The following FREM3 variants were observed in gnomAD, a reference collection of about 807,000 sequenced individuals.
The protein encoded by FREM3 is FRAS1-related extracellular matrix protein 3.
Under a neutral mutation model 129.1 loss-of-function variants are expected in FREM3, and 105 were observed. That is an observed-to-expected ratio of 0.81 (90% CI 0.69 to 0.96). The LOEUF is 0.96. Ranked by LOEUF, FREM3 falls within the 40% of genes least tolerant of loss-of-function variation. FREM3 has a pLI of 0.00. For synonymous variants in FREM3, 1,014 were observed against 1,044.9 expected, an observed-to-expected ratio of 0.97 and a Z score of 0.57; for missense variants, 2,593 against 2,666.3, an observed-to-expected ratio of 0.97 and a Z score of 0.61.
At position 143,699,086 on chromosome 4, in the gene FREM3, G is replaced by A. The variant is rs376078791; in HGVS notation, c.1590C>T (p.Phe530=). The change falls in exon 1 of 8, where the codon TTC becomes TTT. Residue 530 remains phenylalanine, a synonymous_variant. Transcript: ENST00000329798. The surrounding 1 kb of genome is among the most constrained non-coding windows in gnomAD (Gnocchi z 4.2). ...RMEDGHHQVD[F]LFPLTILPVD... ...CAGGTAGGATGGTGAGGGGAAAGAG[G>A]AAGTCCACTTGGTGGTGCCCGTCCT... The A allele has an allele frequency of 2.0e-6, 3 of 1,537,320 alleles. No individual in the cohort carries two copies. The highest frequency in any genetic ancestry group is 2.0e-5 in the Admixed American group (1 of 50,980).
chr4:143,686,069 A>T (rs931867542), intron 2 of FREM3, among the ~76,000 whole-genome samples: 1 of 152,174 alleles, frequency 6.6e-6, no homozygotes, highest in Non-Finnish European at 1.5e-5. Flanking sequence ...TATCTGCTGC[A>T]TTCGGGAGAC....
At chr4:143,643,266 G>A (rs7655288) in intron 2 of FREM3, among the ~76,000 whole-genome samples, 40,020 of 151,892 alleles carry the variant, frequency 0.26, 6,045 homozygotes, top group Middle Eastern at 0.37. Flanking sequence ...CCACTGCTGG[G>A]TATATATCAA....
intron 5 of FREM3, among the ~76,000 whole-genome samples, chr4:143,614,821 T>G (rs1007875401): frequency 1.3e-5 from 2 of 152,198 alleles, no homozygotes; most frequent in Non-Finnish European, 2.9e-5. Context: ...CAACTTCAAC[T>G]ATCAATGTGA....
chr4:143,679,726 T>G (rs967405732), intron 2 of FREM3, among the ~76,000 whole-genome samples: 21 of 152,114 alleles, frequency 1.4e-4, no homozygotes, highest in Non-Finnish European at 2.9e-5. Context: ...TCTGCTCCAT[T>G]GCCTCTCATT....
chr4:143,634,449 C>A (rs1002176037), intron 2 of FREM3, among the ~76,000 whole-genome samples: 3 of 151,898 alleles, frequency 2.0e-5, no homozygotes, highest in Admixed American at 6.6e-5. Context: ...CATAAGATAC[C>A]CCAGGGGCTC....
At chr4:143,675,147 A>C (rs1002976790) in intron 2 of FREM3, among the ~76,000 whole-genome samples, 2 of 152,124 alleles carry the variant, frequency 1.3e-5, no homozygotes, top group African/African-American at 4.8e-5. Context: ...GAAGTAAAGC[A>C]CTCCTCAGCA....
Position 143,697,906 on chromosome 4 carries a change from G to T in FREM3, c.2770C>A (p.His924Asn). 1 of 1,537,880 alleles carries T rather than the reference G, an allele frequency of 6.5e-7. No homozygotes were observed. The highest frequency in any genetic ancestry group is 1.2e-5 in the South Asian group (1 of 84,062). Residue 924 changes from histidine (H) to asparagine (N), a missense_variant, in exon 1 of 8, where the codon CAC (histidine) becomes AAC (asparagine). His to Asn is a moderately conservative substitution (Grantham distance 68). Coordinates refer to ENST00000329798, the MANE Select transcript of FREM3 (RefSeq NM_001168235.2). ...TFHLEVSDGV[H>N]HIPITIPISV... ...ATTGGGATGGTGATGGGTATATGGT[G>T]CACCCCATCACTTACTTCCAGATGG... is the stretch of plus-strand genomic sequence containing the variant.
At chr4:143,582,181 G>A (rs1164056664) in intron 7 of FREM3, among the ~76,000 whole-genome samples, 1 of 152,196 alleles carries the variant, frequency 6.6e-6, no homozygotes, top group Non-Finnish European at 1.5e-5. Flanking sequence ...GAGAGGGAGT[G>A]TAAAGCCTGA....
intron 2 of FREM3, among the ~76,000 whole-genome samples, chr4:143,669,134 G>A (rs1739919737): frequency 2.0e-5 from 3 of 152,050 alleles, no homozygotes; most frequent in Admixed American, 2.0e-4. Flanking sequence ...TTAGTGAGAG[G>A]CAAAAACTCA....
intron 7 of FREM3, among the ~76,000 whole-genome samples, chr4:143,582,693 A>G (rs1285691909): frequency 6.6e-6 from 1 of 152,276 alleles, no homozygotes; most frequent in East Asian, 1.9e-4. Context: ...CAGACATAGA[A>G]TTCAGAATAT....
At chr4:143,609,763 C>T (rs901237008) in intron 6 of FREM3, among the ~76,000 whole-genome samples, 1 of 152,164 alleles carries the variant, frequency 6.6e-6, no homozygotes, top group Non-Finnish European at 1.5e-5. Context: ...GACTTGACCA[C>T]GTAGGGATTT....
intron 5 of FREM3, among the ~76,000 whole-genome samples, chr4:143,616,780 G>A (rs1488362272): frequency 2.7e-5 from 4 of 147,488 alleles, no homozygotes; most frequent in Non-Finnish European, 5.9e-5. Context: ...GCAACAGAGC[G>A]AGACTCCGTC....
In FREM3 at chr4:143,700,248, A is replaced by G; in HGVS notation, c.428T>C (p.Leu143Pro). 6.5e-7 allele frequency: 1 copy of G among 1,536,712 alleles called. No homozygotes were observed. The highest frequency in any genetic ancestry group is 8.7e-7 in the Non-Finnish European group (1 of 1,146,848). ...AGTGTGAGTCGGGGCGTCGTAGCGC[A>G]GCTGCAGCAGCACCCGGGCGCGTCC... is the stretch of plus-strand genomic sequence containing the variant. ...SPGRARVLLQ[L>P]RYDAPTHTLV... Residue 143 changes from leucine to proline, a missense_variant, in exon 1 of 8, where the codon CTG becomes CCG. Leu to Pro is a moderately conservative substitution (Grantham distance 98, BLOSUM62 -3). Coordinates refer to ENST00000329798, the MANE Select transcript of FREM3 (RefSeq NM_001168235.2).
chr4:143,675,301 A>G (rs1161883091), intron 2 of FREM3, among the ~76,000 whole-genome samples: 2 of 152,198 alleles, frequency 1.3e-5, no homozygotes, highest in Non-Finnish European at 2.9e-5. Context: ...CTGGGTACAT[A>G]ACGAAATGAA....
intron 7 of FREM3, among the ~76,000 whole-genome samples, chr4:143,579,204 A>G (rs1338911369): frequency 6.6e-6 from 1 of 152,210 alleles, no homozygotes; most frequent in African/African-American, 2.4e-5. Flanking sequence ...CTGTAATCTC[A>G]GCACTTTGGG....
intron 2 of FREM3, among the ~76,000 whole-genome samples, chr4:143,689,862 T>C (rs1328980625): frequency 7.4e-6 from 1 of 135,536 alleles, no homozygotes; most frequent in East Asian, 2.5e-4. Context: ...AATGACACAA[T>C]GGACTTTGGG....
chr4:143,665,382 T>G (rs1401508754), intron 2 of FREM3, among the ~76,000 whole-genome samples: 2 of 152,120 alleles, frequency 1.3e-5, no homozygotes, highest in Non-Finnish European at 1.5e-5. Context: ...CCCATTAGAC[T>G]GTAAGTTCTT....
Position 143,577,740 on chromosome 4 carries a change from G to T in FREM3, c.6291C>A (p.Gly2097=), listed in dbSNP as rs758475790. ...LDDLGQPTLE[G]PEKFELLLQM... ...GAAGAAGTAATTCAAACTTCTCTGGGCCTTCCAAGGTAGGCTGTCCCAGGT... is the reference window on the plus strand; with the variant it reads ...GAAGAAGTAATTCAAACTTCTCTGGTCCTTCCAAGGTAGGCTGTCCCAGGT... The change falls in exon 8 of 8, where the codon GGC becomes GGA. Residue 2097 remains glycine, a synonymous_variant. Transcript: ENST00000329798. The T allele has an allele frequency of 6.5e-7, 1 of 1,537,176 alleles. No homozygotes were observed. The highest frequency in any genetic ancestry group is 1.4e-5 in the African/African-American group (1 of 73,044).
intron 2 of FREM3, among the ~76,000 whole-genome samples, chr4:143,661,853 C>G (rs1739731755): frequency 6.6e-6 from 1 of 152,192 alleles, no homozygotes; most frequent in Non-Finnish European, 1.5e-5. Flanking sequence ...TCCATTTCTT[C>G]TAGGTTTTCT....
Sources: allele counts gnomAD v4.1 joint callset (sites outside exome capture counted in the v4.1 genomes callset), GRCh38; gene constraint gnomAD v4.1.1; non-coding constraint Gnocchi (gnomAD v3.1); transcripts MANE v1.5; gene names NCBI Gene and HGNC (gene_info 2026-07-23, HGNC 2026-07-21).